Variants in POU2F1 observed in about 807,000 individuals in gnomAD.
POU2F1 encodes POU domain, class 2, transcription factor 1.
Under a neutral mutation model 84.9 loss-of-function variants are expected in POU2F1, and 16 were observed. The observed-to-expected ratio is 0.19, with a 90% CI of 0.13 to 0.29. The LOEUF (loss-of-function observed/expected upper bound fraction) is 0.29. POU2F1 is among the 10% of genes least tolerant of loss of function. The pLI, the probability that POU2F1 is intolerant of heterozygous loss-of-function variation, is 1.00. For synonymous variants in POU2F1, 368 were observed against 368.3 expected, an observed-to-expected ratio of 1.00 and a Z score of 0.01; for missense variants, 738 against 942.6, an observed-to-expected ratio of 0.78 and a Z score of 2.84.
At chr1:167,406,042 C>T (rs1383692382) in intron 13 of POU2F1, among the ~76,000 whole-genome samples, 3 of 149,796 alleles carry the variant, frequency 2.0e-5, no homozygotes, top group Admixed American at 1.4e-4. Context: ...ACCCAGATAC[C>T]TAAGCTTAGA....
At chr1:167,249,914 G>T (rs1251382037) in intron 1 of POU2F1, among the ~76,000 whole-genome samples, 1 of 152,212 alleles carries the variant, frequency 6.6e-6, no homozygotes, top group Non-Finnish European at 1.5e-5. Flanking sequence ...TCATTTGCAA[G>T]ATGGTGTTAC....
At chr1:167,275,560 A>G (rs1652671036) in intron 1 of POU2F1, among the ~76,000 whole-genome samples, 2 of 152,124 alleles carry the variant, frequency 1.3e-5, no homozygotes, top group Admixed American at 1.3e-4. Flanking sequence ...CCCACTTTTT[A>G]AAGTGTTAGT....
rs1216285468 is a variant in POU2F1, at chr1:167,417,082, T to C, written c.*1272T>C. Reference sequence around the variant, plus strand: ...AGGAATTCTACTAGACTATTTTCCATTGATAATATATACAAAAGAGGTGTG... The same window carrying C: ...AGGAATTCTACTAGACTATTTTCCACTGATAATATATACAAAAGAGGTGTG... On this transcript the variant is annotated 3_prime_UTR_variant, in exon 16 of 16. Coordinates refer to ENST00000367866, the MANE Select transcript of POU2F1 (RefSeq NM_002697.4). 12 of 152,242 alleles carry C rather than the reference T, an allele frequency of 7.9e-5. No individual in the cohort carries two copies. The highest frequency in any genetic ancestry group is 6.5e-4 in the Admixed American group (10 of 15,290). 9.4% of individuals were successfully genotyped at this position (152,242 alleles called of 1,614,324 possible). A position where few individuals can be genotyped will look rare whatever the true frequency, so the allele number is the denominator to read the frequency against.
chr1:167,252,123 A>G (rs1232253254), intron 1 of POU2F1, among the ~76,000 whole-genome samples: 1 of 151,880 alleles, frequency 6.6e-6, no homozygotes, highest in Non-Finnish European at 1.5e-5. Context: ...CGGCCTCCCA[A>G]AGTGCTAGGA....
At chr1:167,226,758 G>T (rs557197070) in intron 1 of POU2F1, among the ~76,000 whole-genome samples, 11 of 152,212 alleles carry the variant, frequency 7.2e-5, no homozygotes. Context: ...TTGAGCATTG[G>T]TATCTTTGTA....
At chr1:167,223,109 T>C (rs1038290960) in intron 1 of POU2F1, among the ~76,000 whole-genome samples, 1 of 152,256 alleles carries the variant, frequency 6.6e-6, no homozygotes, top group Non-Finnish European at 1.5e-5. Flanking sequence ...ATCATTGTCA[T>C]AGACTTGCTT....
chr1:167,310,782 CA>C (rs1236795963), intron 1 of POU2F1, among the ~76,000 whole-genome samples: 1 of 151,942 alleles, frequency 6.6e-6, no homozygotes, highest in Non-Finnish European at 1.5e-5. Flanking sequence ...GGAGTCTGAG[CA>C]AAGAAATAGG....
intron 1 of POU2F1, among the ~76,000 whole-genome samples, chr1:167,249,785 G>A (rs1043024519): frequency 1.3e-5 from 2 of 152,166 alleles, no homozygotes; most frequent in Non-Finnish European, 2.9e-5. Flanking sequence ...AGATCTGGTG[G>A]TCATTGGTGT....
At chr1:167,269,139 G>C (rs1253224093) in intron 1 of POU2F1, among the ~76,000 whole-genome samples, 1 of 151,984 alleles carries the variant, frequency 6.6e-6, no homozygotes, top group Non-Finnish European at 1.5e-5. Flanking sequence ...GGATTGAACT[G>C]AGAAATAACA....
At chr1:167,325,887 CAA>C (rs1184183063) in intron 1 of POU2F1, among the ~76,000 whole-genome samples, 39 of 99,492 alleles carry the variant, frequency 3.9e-4, no homozygotes, top group African/African-American at 1.0e-3. Flanking sequence ...AACTCCATCT[CAA>C]AAAAAAAAAA....
chr1:167,246,728 T>A (rs1360457475), intron 1 of POU2F1, among the ~76,000 whole-genome samples: 2 of 152,192 alleles, frequency 1.3e-5, no homozygotes, highest in African/African-American at 2.4e-5. Context: ...CTTAAGGAAA[T>A]TCCTTAAGTT....
intron 1 of POU2F1, among the ~76,000 whole-genome samples, chr1:167,248,062 C>CT (rs1266702977): frequency 6.6e-6 from 1 of 152,110 alleles, no homozygotes; most frequent in East Asian, 1.9e-4. Flanking sequence ...CAGTTTACTC[C>CT]TTTTAACCTG....
intron 1 of POU2F1, among the ~76,000 whole-genome samples, chr1:167,289,329 T>G (rs1014939191): frequency 6.6e-6 from 1 of 152,232 alleles, no homozygotes; most frequent in Non-Finnish European, 1.5e-5. Flanking sequence ...ACATGACTTA[T>G]AAGGTGCCTG....
chr1:167,413,633 C>T (rs984267423), intron 15 of POU2F1, among the ~76,000 whole-genome samples: 1 of 152,072 alleles, frequency 6.6e-6, no homozygotes, highest in Non-Finnish European at 1.5e-5. Context: ...TTTATATCGC[C>T]GTTAGTGTAG....
At position 167,315,624 on chromosome 1, in the gene POU2F1, T is replaced by TTTTG. The variant is rs535224611; in HGVS notation, c.62-16822_62-16819dup. On this transcript the variant is annotated intron_variant, in intron 1 of 15. Transcript: ENST00000367866. ...GGACTTGTCTCTAAAAAAAATTGTTTTTTGTTTGTTTGTTTGTTTGTTTGT... is the reference window on the plus strand; with the variant it reads ...GGACTTGTCTCTAAAAAAAATTGTTTTTTGTTTGTTTGTTTGTTTGTTTGTTTGT... Among the ~76,000 whole-genome samples, 782 of 151,866 alleles carry TTTTG rather than the reference T, an allele frequency of 5.1e-3. 3 individuals are homozygous for TTTTG. The highest frequency in any genetic ancestry group is 7.7e-3 in the Non-Finnish European group (522 of 67,946).
intron 2 of POU2F1, among the ~76,000 whole-genome samples, chr1:167,353,599 T>C (rs1658733772): frequency 6.6e-6 from 1 of 152,178 alleles, no homozygotes; most frequent in Non-Finnish European, 1.5e-5. Flanking sequence ...GTCCCGCCAG[T>C]ACCTGACTTA....
At chr1:167,405,995 T>G (rs1422508750) in intron 13 of POU2F1, among the ~76,000 whole-genome samples, 1 of 151,944 alleles carries the variant, frequency 6.6e-6, no homozygotes, top group Non-Finnish European at 1.5e-5. Flanking sequence ...AAAGAAGAAA[T>G]AACATTTCTC....
intron 1 of POU2F1, among the ~76,000 whole-genome samples, chr1:167,258,767 C>T (rs1225583051): frequency 6.6e-6 from 1 of 152,012 alleles, no homozygotes; most frequent in African/African-American, 2.4e-5. Flanking sequence ...AAAATATAAA[C>T]GAATAGAATA....
intron 1 of POU2F1, among the ~76,000 whole-genome samples, chr1:167,296,055 A>G (rs17348720): frequency 1.3e-5 from 2 of 151,908 alleles, no homozygotes; most frequent in Admixed American, 6.5e-5. Flanking sequence ...TGTACAGTTA[A>G]GTCGTGAGTT....
Sources: gnomAD v4.1 joint callset for allele counts (sites outside exome capture counted in the v4.1 genomes callset) on GRCh38, gnomAD v4.1.1 for gene constraint, MANE v1.5 for transcripts, NCBI Gene and HGNC (gene_info 2026-07-23, HGNC 2026-07-21) for gene names.